Variants in LMBRD1 observed in about 807,000 individuals in gnomAD.
LMBRD1 encodes the protein LMBR1 domain containing 1.
Under a neutral mutation model 74.8 loss-of-function variants are expected in LMBRD1, and 64 were observed. That is an observed-to-expected ratio of 0.86 (90% CI 0.70 to 1.05). The LOEUF is 1.05. LMBRD1 is among the 50% of genes least tolerant of loss of function. The pLI is 0.00. For missense variants in LMBRD1, 652 were observed against 645.9 expected, an observed-to-expected ratio of 1.01 and a Z score of -0.10; for synonymous variants, 204 against 216.3, an observed-to-expected ratio of 0.94 and a Z score of 0.50.
chr6:69,739,696 G>A lies in LMBRD1; in HGVS notation c.563-1681C>T, dbSNP rs147875306. Among the ~76,000 whole-genome samples, 47 of 152,152 alleles carry A rather than the reference G, an allele frequency of 3.1e-4. No homozygotes were observed. The East Asian group carries it at 6.4e-3, about 21-fold the overall frequency. On this transcript the variant is annotated intron_variant, in intron 6 of 15. Coordinates refer to ENST00000649934, the MANE Select transcript of LMBRD1 (RefSeq NM_018368.4). ...TGATATTAACTGAATGGAATACTGC[G>A]AAAAAATTGCTGGAGTGATGGATGT...
chr6:69,739,833 T>C (rs899037594), intron 6 of LMBRD1, among the ~76,000 whole-genome samples: 2 of 152,078 alleles, frequency 1.3e-5, no homozygotes, highest in Non-Finnish European at 2.9e-5. Flanking sequence ...ATAGGCCGGG[T>C]GCAGTGGCTC....
intron 7 of LMBRD1, 112 bp from the exon 8 acceptor site, chr6:69,719,193 T>C (rs539682388): frequency 6.4e-6 from 6 of 935,824 alleles, no homozygotes; most frequent in Non-Finnish European, 8.2e-6. Flanking sequence ...TGTGAAAGAG[T>C]ACAGTCACTG....
chr6:69,775,182 T>C (rs1482821461), intron 3 of LMBRD1, among the ~76,000 whole-genome samples: 2 of 151,908 alleles, frequency 1.3e-5, no homozygotes, highest in East Asian at 3.9e-4. Flanking sequence ...AGGATGAAAA[T>C]GAACAACTTT....
intron 9 of LMBRD1, among the ~76,000 whole-genome samples, chr6:69,712,277 G>C (rs564680149): frequency 6.6e-6 from 1 of 152,126 alleles, no homozygotes; most frequent in Non-Finnish European, 1.5e-5. Flanking sequence ...ATTCATTCTA[G>C]GTAATTAGGT....
chr6:69,698,265 G>A (rs976933778), intron 13 of LMBRD1, among the ~76,000 whole-genome samples: 4 of 151,902 alleles, frequency 2.6e-5, no homozygotes, highest in East Asian at 1.9e-4. Context: ...TGATAGGTTC[G>A]TTAGATTTTT....
chr6:69,701,630 A>T, intron 10 of LMBRD1, 85 bp from the exon 11 acceptor site: 1 of 817,676 alleles, frequency 1.2e-6, no homozygotes, highest in Non-Finnish European at 2.0e-6. Flanking sequence ...AAGCATGCAA[A>T]TACACCTGAG....
chr6:69,783,915 T>C (rs762376634), intron 2 of LMBRD1, among the ~76,000 whole-genome samples: 1 of 152,172 alleles, frequency 6.6e-6, no homozygotes, highest in Non-Finnish European at 1.5e-5. Flanking sequence ...AAAAGAATCA[T>C]TGAAATTTAG....
chr6:69,679,038 TAAAACAAAAAAAAA>T (rs1334105292), intron 14 of LMBRD1, among the ~76,000 whole-genome samples: 1 of 114,448 alleles, frequency 8.7e-6, no homozygotes, highest in Admixed American at 9.0e-5. Context: ...TCTTTCTGGT[TAAAACAAAAAAAAA>T]AAAACAAAAA....
intron 9 of LMBRD1, among the ~76,000 whole-genome samples, chr6:69,711,217 A>G (rs1454572239): frequency 6.6e-6 from 1 of 152,176 alleles, no homozygotes; most frequent in Non-Finnish European, 1.5e-5. Context: ...GCCATCAGAC[A>G]AAAGATTGTA....
At chr6:69,771,641 G>C (rs553845196) in intron 3 of LMBRD1, among the ~76,000 whole-genome samples, 2 of 152,264 alleles carry the variant, frequency 1.3e-5, no homozygotes, top group Non-Finnish European at 2.9e-5. Flanking sequence ...AGTTTGTGGG[G>C]TGGGGAAGAA....
At chr6:69,775,760 C>T (rs1039624531) in intron 3 of LMBRD1, among the ~76,000 whole-genome samples, 3 of 152,148 alleles carry the variant, frequency 2.0e-5, no homozygotes, top group South Asian at 2.1e-4. Flanking sequence ...ATTTTGTCTG[C>T]GCTCTTTGAG....
intron 4 of LMBRD1, among the ~76,000 whole-genome samples, chr6:69,749,920 A>G (rs1407282638): frequency 4.3e-4 from 46 of 107,660 alleles, no homozygotes; most frequent in African/African-American, 1.6e-3. Context: ...AAGTATATAT[A>G]CACATATACA....
At chr6:69,702,774 C>T (rs184938246) in intron 9 of LMBRD1, among the ~76,000 whole-genome samples, 10 of 152,158 alleles carry the variant, frequency 6.6e-5, no homozygotes, top group Admixed American at 5.9e-4. Flanking sequence ...CCAGTAAGCA[C>T]AGTTAAGTGT....
intron 3 of LMBRD1, among the ~76,000 whole-genome samples, chr6:69,756,310 C>T (rs935234989): frequency 1.3e-5 from 2 of 151,318 alleles, no homozygotes; most frequent in African/African-American, 4.9e-5. Flanking sequence ...TTGCAGTAAG[C>T]CCAATTCGCG....
chr6:69,737,897 T>C (rs768008080), intron 7 of LMBRD1, 45 bp downstream of exon 7: 9 of 1,234,826 alleles, frequency 7.3e-6, no homozygotes, highest in Admixed American at 3.5e-5. Context: ...GTAAAAAAAT[T>C]GTTTTATAAG....
intron 3 of LMBRD1, among the ~76,000 whole-genome samples, chr6:69,769,416 C>T (rs1765533352): frequency 6.6e-6 from 1 of 152,116 alleles, no homozygotes; most frequent in Admixed American, 6.6e-5. Context: ...TCATTCTTAG[C>T]TTACTTTGCT....
At chr6:69,706,135 A>G (rs1177186538) in intron 9 of LMBRD1, 1 of 543,698 alleles carries the variant, frequency 1.8e-6, no homozygotes, top group Admixed American at 2.4e-5. Context: ...CCGGGGGTTT[A>G]TGTCCATGTC....
chr6:69,695,998 C>T (rs1365333615), intron 14 of LMBRD1, among the ~76,000 whole-genome samples: 2 of 152,180 alleles, frequency 1.3e-5, no homozygotes, highest in African/African-American at 4.8e-5. Flanking sequence ...GGTGCCCCAC[C>T]ACCCTCAACT....
intron 7 of LMBRD1, among the ~76,000 whole-genome samples, chr6:69,732,365 G>A (rs1262361219): frequency 5.9e-5 from 9 of 152,086 alleles, no homozygotes; most frequent in Non-Finnish European, 4.4e-5. Context: ...TTTATCATAT[G>A]AGCATAGAAT....
Sources: allele counts gnomAD v4.1 joint callset (sites outside exome capture counted in the v4.1 genomes callset), GRCh38; gene constraint gnomAD v4.1.1; transcripts MANE v1.5; gene names NCBI Gene and HGNC (gene_info 2026-07-23, HGNC 2026-07-21).